Variants in L3MBTL4 observed in about 807,000 individuals in gnomAD.
L3MBTL4 encodes L3MBTL histone methyl-lysine binding protein 4.
In L3MBTL4, 70 loss-of-function variants were observed where a neutral mutation model predicts 84.5. The ratio of observed to expected loss-of-function variants is 0.83; its 90% CI spans 0.68 to 1.01. The LOEUF (loss-of-function observed/expected upper bound fraction) is 1.01, where lower values mean the gene tolerates loss of function less well. L3MBTL4 is among the 50% of genes least tolerant of loss of function. The probability of loss-of-function intolerance (pLI) is 0.00; values close to 1 mark genes in which losing one functional copy is unlikely to be tolerated. For missense variants in L3MBTL4, 715 were observed against 754.8 expected, an observed-to-expected ratio of 0.95 and a Z score of 0.62; for synonymous variants, 274 against 259.8, an observed-to-expected ratio of 1.05 and a Z score of -0.52.
chr18:6,287,745 G>T (rs2049663855), intron 4 of L3MBTL4, among the ~76,000 whole-genome samples: 1 of 152,196 alleles, frequency 6.6e-6, no homozygotes, highest in Non-Finnish European at 1.5e-5. Context: ...TTTCACAGTT[G>T]ACTATCCTTT....
chr18:6,415,030 C>CG (rs1368532700), upstream of L3MBTL4: 1 of 152,134 alleles, frequency 6.6e-6, no homozygotes, highest in Non-Finnish European at 1.5e-5. Context: ...CCCGGGGAGC[C>CG]GGGTGGCGCT....
At chr18:6,174,490 G>A (rs891867982) in intron 12 of L3MBTL4, among the ~76,000 whole-genome samples, 4 of 152,060 alleles carry the variant, frequency 2.6e-5, no homozygotes, top group African/African-American at 9.7e-5. Flanking sequence ...ATTGCTGGAT[G>A]GCAATAATAG....
intron 12 of L3MBTL4, among the ~76,000 whole-genome samples, chr18:6,174,145 T>TA (rs139680614): frequency 0.013 from 1,720 of 134,878 alleles, 10 homozygotes; most frequent in Middle Eastern, 0.045. Context: ...ACTCTACTCT[T>TA]AAAAAAAAAA....
intron 1 of L3MBTL4, among the ~76,000 whole-genome samples, chr18:6,384,533 ACT>A (rs981007629): frequency 1.3e-5 from 2 of 151,874 alleles, no homozygotes; most frequent in Non-Finnish European, 2.9e-5. Context: ...ACTTATAAAA[ACT>A]CTCTCTTCTT....
chr18:6,204,024 G>A (rs1246155486), intron 12 of L3MBTL4, among the ~76,000 whole-genome samples: 1 of 152,070 alleles, frequency 6.6e-6, no homozygotes, highest in Non-Finnish European at 1.5e-5. Flanking sequence ...CCTGTTCCTG[G>A]GACTGGCATG....
intron 12 of L3MBTL4, among the ~76,000 whole-genome samples, chr18:6,181,965 T>C (rs1403713996): frequency 6.6e-6 from 1 of 152,232 alleles, no homozygotes; most frequent in Non-Finnish European, 1.5e-5. Flanking sequence ...AGTGCCGTGA[T>C]GAACATGCAC....
chr18:6,149,946 G>T (rs949890079), intron 13 of L3MBTL4, among the ~76,000 whole-genome samples: 1 of 152,034 alleles, frequency 6.6e-6, no homozygotes, highest in Non-Finnish European at 1.5e-5. Context: ...GGATGATAAC[G>T]TGTATACTCC....
chr18:6,376,962 G>A (rs2054395605), intron 1 of L3MBTL4, among the ~76,000 whole-genome samples: 1 of 152,108 alleles, frequency 6.6e-6, no homozygotes, highest in Non-Finnish European at 1.5e-5. Context: ...AACTATCTAA[G>A]GACATTAGTA....
At chr18:6,336,040 C>A (rs1246079131) in intron 1 of L3MBTL4, among the ~76,000 whole-genome samples, 2 of 152,122 alleles carry the variant, frequency 1.3e-5, no homozygotes, top group African/African-American at 2.4e-5. Flanking sequence ...TAGTCACAGG[C>A]CAGCCCTGTG....
intron 4 of L3MBTL4, among the ~76,000 whole-genome samples, chr18:6,277,720 T>C (rs373268452): frequency 6.6e-6 from 1 of 152,174 alleles, no homozygotes; most frequent in South Asian, 2.1e-4. Flanking sequence ...TTATTCAACT[T>C]ACTCTAAATA....
chr18:6,311,752 A>C, intron 2 of L3MBTL4, 96 bp from the exon 3 acceptor site: 41 of 719,810 alleles, frequency 5.7e-5, no homozygotes, highest in East Asian at 1.5e-4. Flanking sequence ...TATACTTCTC[A>C]TAGTTGGTTA....
At chr18:6,132,140 T>C (rs1471264900) in intron 14 of L3MBTL4, among the ~76,000 whole-genome samples, 5 of 152,208 alleles carry the variant, frequency 3.3e-5, no homozygotes, top group African/African-American at 1.2e-4. Context: ...GAATTTTGAA[T>C]TCCTTGTATT....
chr18:6,064,375 G>A (rs2057332499), intron 16 of L3MBTL4, among the ~76,000 whole-genome samples: 1 of 151,844 alleles, frequency 6.6e-6, no homozygotes, highest in South Asian at 2.1e-4. Flanking sequence ...TTTAGAATGG[G>A]TTTTTCTAGT....
intron 1 of L3MBTL4, among the ~76,000 whole-genome samples, chr18:6,324,421 G>T (rs1432940396): frequency 2.0e-5 from 3 of 152,202 alleles, no homozygotes; most frequent in Non-Finnish European, 4.4e-5. Context: ...GGCACTCAGT[G>T]CCAGGCCCTG....
At chr18:6,321,504 A>C (rs1184337743) in intron 1 of L3MBTL4, among the ~76,000 whole-genome samples, 1 of 152,174 alleles carries the variant, frequency 6.6e-6, no homozygotes, top group Non-Finnish European at 1.5e-5. Flanking sequence ...AACACTATGG[A>C]GAGTTCTTTA....
At chr18:6,157,591 G>A (rs999120462) in intron 13 of L3MBTL4, among the ~76,000 whole-genome samples, 1 of 152,038 alleles carries the variant, frequency 6.6e-6, no homozygotes, top group African/African-American at 2.4e-5. Context: ...ATTTATATAC[G>A]TGCAGTATAT....
At chr18:6,080,338 C>A (rs1307238560) in intron 16 of L3MBTL4, among the ~76,000 whole-genome samples, 1 of 152,194 alleles carries the variant, frequency 6.6e-6, no homozygotes, top group Non-Finnish European at 1.5e-5. Context: ...TAGCTTGGTA[C>A]AATATAATCC....
Position 5,955,031 on chromosome 18 carries a change from C to T in L3MBTL4, c.*1189G>A, listed in dbSNP as rs2095219330. ...AATGAAGCAAGTGGACATAGAACCT[C>T]TCCCTCTTTCTCCCCACCCACAAAT... On this transcript the variant is annotated 3_prime_UTR_variant, in exon 19 of 19. Transcript: ENST00000317931. 1 of 152,138 alleles carries T rather than the reference C, an allele frequency of 6.6e-6. No homozygotes were observed. The highest frequency in any genetic ancestry group is 2.4e-5 in the African/African-American group (1 of 41,428). The allele number at this position is 152,138 out of a possible 1,614,324, so 9.4% of individuals were successfully genotyped here.
rs572292202 is a variant in L3MBTL4, at chr18:6,175,139, C to T, written c.982-3197G>A. Among the ~76,000 whole-genome samples the T allele has an allele frequency of 1.5e-3, 232 of 152,054 alleles. 2 individuals are homozygous for T. Among genetic ancestry groups the T allele is most frequent in the African/African-American group, 5.3e-3 (220 of 41,472 alleles). ...AAATGAAAACTAGGCAAATCATAGA[C>T]CACTGAAAATGAAAGCTAAAGGGAA... On this transcript the variant is annotated intron_variant, in intron 12 of 18. Transcript: ENST00000317931.
Sources: allele counts gnomAD v4.1 joint callset (sites outside exome capture counted in the v4.1 genomes callset), GRCh38; gene constraint gnomAD v4.1.1; transcripts MANE v1.5; gene names NCBI Gene and HGNC (gene_info 2026-07-23, HGNC 2026-07-21).